REM1: variants seen among roughly 807,000 people sequenced by gnomAD.
The protein encoded by REM1 is RRAD and GEM like GTPase 1, also known as GTP-binding protein REM 1.
Under a neutral mutation model 27.0 loss-of-function variants are expected in REM1, and 20 were observed. The observed-to-expected ratio is 0.74, with a 90% confidence interval of 0.52 to 1.08. The LOEUF (loss-of-function observed/expected upper bound fraction) is 1.08, where lower values mean the gene tolerates loss of function less well. REM1 is among the 50% of genes least tolerant of loss of function. The probability of loss-of-function intolerance (pLI) is 0.00; values close to 1 mark genes in which losing one functional copy is unlikely to be tolerated. For missense variants in REM1, 405 were observed against 407.0 expected (o/e 1.00, Z 0.04); for synonymous variants, 159 against 167.9 (o/e 0.95, Z 0.41).
At chr20:31,476,019 G>C (rs1182453465) in intron 1 of REM1, among the ~76,000 whole-genome samples, 1 of 152,212 alleles carries the variant, frequency 6.6e-6, no homozygotes, top group African/African-American at 2.4e-5. Context: ...ATGTCTTTCA[G>C]AGCCAGGGCC....
chr20:31,483,333 G>A (rs1227849610), intron 4 of REM1, among the ~76,000 whole-genome samples: 3 of 152,126 alleles, frequency 2.0e-5, no homozygotes, highest in African/African-American at 7.2e-5. Flanking sequence ...GGCTCCCCTA[G>A]CCCCTTAATC....
intron 4 of REM1, 148 bp from the exon 5 acceptor site, chr20:31,484,008 CCAG>C (rs1980822056): frequency 2.8e-5 from 24 of 848,276 alleles, no homozygotes; most frequent in Non-Finnish European, 4.1e-5. Flanking sequence ...CCCTCAAAGA[CCAG>C]TCTGATTTAT....
chr20:31,479,311 T>C (rs1326686550), intron 3 of REM1, among the ~76,000 whole-genome samples: 1 of 152,142 alleles, frequency 6.6e-6, no homozygotes, highest in East Asian at 1.9e-4. Flanking sequence ...GACACAGAGA[T>C]GAATAAGGCA....
intron 2 of REM1, 39 bp downstream of exon 2, chr20:31,476,824 G>A (rs763132130): frequency 3.3e-6 from 5 of 1,528,052 alleles, no homozygotes; most frequent in Admixed American, 2.1e-5. Context: ...GTGGCCAAAG[G>A]AGCGAAAGCC....
intron 2 of REM1, 72 bp downstream of exon 2, chr20:31,476,857 G>T (rs1351754390): frequency 3.9e-6 from 5 of 1,270,176 alleles, no homozygotes; most frequent in African/African-American, 1.5e-5. Context: ...ACACAGGGCT[G>T]CCAAGAACAG....
chr20:31,476,239 C>T lies in REM1; in HGVS notation c.-207C>T. 1.8e-6 allele frequency: 1 copy of T among 554,916 alleles called. No individual in the cohort carries two copies. Among genetic ancestry groups the T allele is most frequent in the Non-Finnish European group, 3.2e-6 (1 of 316,030 alleles). The allele number at this position is 554,916 out of a possible 1,614,324, so 34.4% of individuals were successfully genotyped here. ...CATCCGGATCCAGGTTTATGCAGAG[C>T]CTGAGGCCAGAAAACCTAGGGACTT... is the stretch of plus-strand genomic sequence containing the variant. On this transcript the variant is annotated 5_prime_UTR_variant, in exon 2 of 5. Transcript: ENST00000201979.
chr20:31,483,174 C>A (rs1216236041), intron 4 of REM1, among the ~76,000 whole-genome samples: 4 of 152,148 alleles, frequency 2.6e-5, no homozygotes, highest in Admixed American at 2.6e-4. Context: ...GTGGTGCACA[C>A]CAGTAATCCC....
chr20:31,482,726 C>T (rs891281080), intron 4 of REM1, among the ~76,000 whole-genome samples: 1 of 152,216 alleles, frequency 6.6e-6, no homozygotes, highest in African/African-American at 2.4e-5. Context: ...TGCCTACAGT[C>T]TCTGTGCTAT....
At chr20:31,478,770 C>G (rs1980613605) in intron 3 of REM1, among the ~76,000 whole-genome samples, 1 of 151,780 alleles carries the variant, frequency 6.6e-6, no homozygotes, top group South Asian at 2.1e-4. Flanking sequence ...AATAATGTGT[C>G]CAAAGCTCTC....
intron 3 of REM1, among the ~76,000 whole-genome samples, chr20:31,480,272 TAC>T: frequency 6.6e-6 from 1 of 151,712 alleles, no homozygotes; most frequent in South Asian, 2.1e-4. Flanking sequence ...CATACATACA[TAC>T]ATACATACAT....
chr20:31,482,483 T>C lies in REM1; in HGVS notation c.620T>C (p.Val207Ala), dbSNP rs1470322684. The change falls in exon 4 of 5, where the codon GTG (valine) becomes GCG (alanine). Residue 207 changes from valine (V) to alanine (A), a missense_variant. Transcript: ENST00000201979. ...ADLARCREVS[V>A]EEGRACAVVF... ...TTGGCCCGCTGCCGAGAAGTCTCTG[T>C]GGAAGGTGAGCCCTCCATCCCACCA... is the stretch of plus-strand genomic sequence containing the variant. 1 of 1,614,014 alleles carries C rather than the reference T, an allele frequency of 6.2e-7. No homozygotes were observed. The highest frequency in any genetic ancestry group is 1.7e-5 in the Admixed American group (1 of 60,014).
At chr20:31,479,914 A>G (rs1226098015) in intron 3 of REM1, among the ~76,000 whole-genome samples, 3 of 151,934 alleles carry the variant, frequency 2.0e-5, no homozygotes, top group Non-Finnish European at 4.4e-5. Context: ...ACATGGAGAA[A>G]CCCCATCTCT....
At chr20:31,482,761 C>T (rs1273935044) in intron 4 of REM1, among the ~76,000 whole-genome samples, 1 of 152,196 alleles carries the variant, frequency 6.6e-6, no homozygotes, top group African/African-American at 2.4e-5. Context: ...CTTCGCCAGT[C>T]CTCCTGCTTC....
Position 31,482,457 on chromosome 20 carries a change from C to T in REM1, c.594C>T (p.Asp198=), listed in dbSNP as rs983053688. 26 of 1,614,076 alleles carry T rather than the reference C, an allele frequency of 1.6e-5. No homozygotes were observed. Among genetic ancestry groups the T allele is most frequent in the South Asian group, 2.2e-5 (2 of 91,090 alleles). The change falls in exon 4 of 5, where the codon GAC becomes GAT. Residue 198 remains aspartate (D), a synonymous_variant. Coordinates refer to ENST00000201979, the MANE Select transcript of REM1 (RefSeq NM_014012.6). ...TCATCCTCGTGGGCAACAAGGCAGA[C>T]TTGGCCCGCTGCCGAGAAGTCTCTG... ...VPIILVGNKA[D]LARCREVSVE... is the part of the protein sequence containing the mutation.
At chr20:31,484,014 T>A (rs894247464) in intron 4 of REM1, 145 bp from the exon 5 acceptor site, 24 of 907,308 alleles carry the variant, frequency 2.6e-5, no homozygotes, top group Non-Finnish European at 3.8e-5. Flanking sequence ...AAGACCAGTC[T>A]GATTTATCTG....
chr20:31,484,504 A>G lies in REM1; in HGVS notation c.*74A>G. On this transcript the variant is annotated 3_prime_UTR_variant, in exon 5 of 5. Coordinates refer to ENST00000201979, the MANE Select transcript of REM1 (RefSeq NM_014012.6). ...GCTCCAGGGACGCCACTGCGGGGCA[A>G]AGGCGCCGTTACCTGGAGTCTGCAT... 7.0e-7 allele frequency: 1 copy of G among 1,419,596 alleles called. No individual in the cohort carries two copies. The highest frequency in any genetic ancestry group is 2.7e-5 in the East Asian group (1 of 37,428). The allele number at this position is 1,419,596 out of a possible 1,614,324, so 87.9% of individuals were successfully genotyped here.
Position 31,484,229 on chromosome 20 carries a change from G to T in REM1, c.696G>T (p.Val232=), listed in dbSNP as rs1298460333. The T allele has an allele frequency of 6.2e-7, 1 of 1,609,220 alleles. No individual in the cohort carries two copies. Among genetic ancestry groups the T allele is most frequent in the African/African-American group, 1.3e-5 (1 of 74,982 alleles). The part of the protein sequence containing the change: ...IETSATLQHN[V]AELFEGVVRQ... ...CATCCGCCACGCTGCAGCACAATGT[G>T]GCCGAGCTCTTCGAGGGCGTGGTGC... The change falls in exon 5 of 5, where the codon GTG becomes GTT. Residue 232 remains valine (V), a synonymous_variant. Transcript: ENST00000201979.
At chr20:31,477,492 G>T (rs1298921969) in intron 2 of REM1, among the ~76,000 whole-genome samples, 1 of 152,122 alleles carries the variant, frequency 6.6e-6, no homozygotes, top group Non-Finnish European at 1.5e-5. Context: ...TTACAGATAG[G>T]GAGACTGAGG....
intron 2 of REM1, among the ~76,000 whole-genome samples, chr20:31,477,399 T>A (rs1216962919): frequency 1.3e-5 from 2 of 152,032 alleles, no homozygotes; most frequent in African/African-American, 2.4e-5. Flanking sequence ...AGGGGGTTGA[T>A]TAAATGCAGA....
Sources: gnomAD v4.1 joint callset for allele counts (sites outside exome capture counted in the v4.1 genomes callset) on GRCh38, gnomAD v4.1.1 for gene constraint, MANE v1.5 for transcripts, NCBI Gene and HGNC (gene_info 2026-07-23, HGNC 2026-07-21) for gene names.